ZNF385D: variants seen among roughly 807,000 people sequenced by gnomAD.
ZNF385D encodes zinc finger protein 659.
In ZNF385D, 15 loss-of-function variants were observed where a neutral mutation model predicts 35.8. The observed-to-expected ratio is 0.42, with a 90% CI of 0.28 to 0.64. The LOEUF (loss-of-function observed/expected upper bound fraction) is 0.64, where lower values mean the gene tolerates loss of function less well. Among genes scored for constraint, ZNF385D ranks in the 30% least tolerant of loss-of-function variants. ZNF385D has a pLI of 0.23. For missense variants in ZNF385D, 474 were observed against 494.6 expected, an observed-to-expected ratio of 0.96 and a Z score of 0.39; for synonymous variants, 212 against 186.8, an observed-to-expected ratio of 1.13 and a Z score of -1.10.
intron 3 of ZNF385D, among the ~76,000 whole-genome samples, chr3:22,018,835 C>T (rs534865839): frequency 1.3e-5 from 2 of 151,888 alleles, no homozygotes; most frequent in South Asian, 4.1e-4. Context: ...AGCTATTTCA[C>T]AGAAATGGGT....
chr3:21,590,653 G>C (rs964666992), intron 2 of ZNF385D, among the ~76,000 whole-genome samples: 2 of 152,112 alleles, frequency 1.3e-5, no homozygotes, highest in Non-Finnish European at 2.9e-5. Flanking sequence ...AGTGGAGGCA[G>C]TGAGTGTTCT....
At chr3:21,966,836 C>A (rs1031819307) in intron 3 of ZNF385D, among the ~76,000 whole-genome samples, 2 of 152,190 alleles carry the variant, frequency 1.3e-5, no homozygotes, top group African/African-American at 4.8e-5. Flanking sequence ...CCAACCTTGG[C>A]CTCCGAGGCC....
chr3:21,969,405 G>A (rs146493184), intron 3 of ZNF385D, among the ~76,000 whole-genome samples: 175 of 152,156 alleles, frequency 1.2e-3, no homozygotes, highest in Non-Finnish European at 1.7e-3. Flanking sequence ...CTCTTTGCTC[G>A]GCACTTTTCC....
At chr3:21,801,827 G>C (rs1361664174) in intron 3 of ZNF385D, among the ~76,000 whole-genome samples, 2 of 152,086 alleles carry the variant, frequency 1.3e-5, no homozygotes, top group African/African-American at 4.8e-5. Flanking sequence ...TTGGGTTTCA[G>C]GATGCTCAGT....
At chr3:22,268,037 C>T (rs1454802619) in intron 2 of ZNF385D, among the ~76,000 whole-genome samples, 4 of 151,902 alleles carry the variant, frequency 2.6e-5, no homozygotes, top group African/African-American at 9.7e-5. Flanking sequence ...AGTAAGTATG[C>T]ACTACAAGAG....
chr3:21,642,336 C>A (rs754625215), intron 2 of ZNF385D, among the ~76,000 whole-genome samples: 8 of 152,024 alleles, frequency 5.3e-5, no homozygotes, highest in Non-Finnish European at 1.0e-4. Flanking sequence ...TCCCTCTTAA[C>A]CTCACTCTTT....
chr3:22,075,110 T>C (rs956679297), intron 3 of ZNF385D, among the ~76,000 whole-genome samples: 1 of 151,964 alleles, frequency 6.6e-6, no homozygotes, highest in Non-Finnish European at 1.5e-5. Flanking sequence ...TTAGCTGGTA[T>C]GGGATTGGCC....
At chr3:21,435,791 A>G (rs1701522910) in intron 5 of ZNF385D, among the ~76,000 whole-genome samples, 1 of 152,182 alleles carries the variant, frequency 6.6e-6, no homozygotes, top group African/African-American at 2.4e-5. Flanking sequence ...TATAGATTCT[A>G]CCTTAAGGCC....
intron 2 of ZNF385D, among the ~76,000 whole-genome samples, chr3:21,629,209 G>A (rs1460713868): frequency 6.6e-6 from 1 of 152,060 alleles, no homozygotes; most frequent in South Asian, 2.1e-4. Context: ...AAAAGTTGTG[G>A]TGGGTCAAAA....
At chr3:21,751,615 G>A (rs1470698127), upstream of ZNF385D, among the ~76,000 whole-genome samples, 1 of 152,040 alleles carries the variant, frequency 6.6e-6, no homozygotes, top group South Asian at 2.1e-4. Flanking sequence ...TGGGCTTGAG[G>A]GTTTGTTGTT....
chr3:21,978,053 T>A (rs564155761), intron 3 of ZNF385D, among the ~76,000 whole-genome samples: 2 of 152,322 alleles, frequency 1.3e-5, no homozygotes, highest in African/African-American at 4.8e-5. Flanking sequence ...AATTCATAAA[T>A]AAACAATATA....
At chr3:21,606,028 C>G (rs1249037556) in intron 2 of ZNF385D, among the ~76,000 whole-genome samples, 1 of 152,178 alleles carries the variant, frequency 6.6e-6, no homozygotes, top group Non-Finnish European at 1.5e-5. Context: ...TCCTCTTTTA[C>G]CTAGGGGACT....
At chr3:22,163,538 G>C (rs1553620422) in intron 3 of ZNF385D, among the ~76,000 whole-genome samples, 1 of 151,878 alleles carries the variant, frequency 6.6e-6, no homozygotes, top group African/African-American at 2.4e-5. Context: ...GCTTATTCAA[G>C]TTTTTTTTGT....
At chr3:22,225,608 C>T (rs1217343127) in intron 2 of ZNF385D, among the ~76,000 whole-genome samples, 1 of 152,104 alleles carries the variant, frequency 6.6e-6, no homozygotes, top group Non-Finnish European at 1.5e-5. Context: ...CAACAATTGC[C>T]CACTGTGGTA....
At chr3:22,228,136 CAG>C (rs1343870905) in intron 2 of ZNF385D, among the ~76,000 whole-genome samples, 1 of 152,150 alleles carries the variant, frequency 6.6e-6, no homozygotes, top group African/African-American at 2.4e-5. Context: ...ACTCAGCAAT[CAG>C]AGGAGATGGC....
chr3:21,999,327 A>AT lies in ZNF385D; in HGVS notation c.325+169489dup, dbSNP rs901636419. Among the ~76,000 whole-genome samples, 49 of 147,776 alleles carry AT rather than the reference A, an allele frequency of 3.3e-4. 1 individual carries two copies. Among genetic ancestry groups the AT allele is most frequent in the East Asian group, 2.2e-3 (11 of 5,102 alleles). ...AAAGGATACTTGAGACAAAACAAAA[A>AT]TTTTTTTTTTTTGCCTGTCACATCT... On this transcript the variant is annotated intron_variant, in intron 3 of 5. Coordinates refer to the ZNF385D transcript ENST00000494108.
chr3:21,467,404 C>CT (rs1703587385), intron 4 of ZNF385D, among the ~76,000 whole-genome samples: 1 of 152,274 alleles, frequency 6.6e-6, no homozygotes. Flanking sequence ...GACTGTTTCT[C>CT]TAAGACATTA....
intron 1 of ZNF385D, among the ~76,000 whole-genome samples, chr3:21,728,279 TATAATAATAATA>T (rs111369677): frequency 4.1e-4 from 59 of 144,866 alleles, no homozygotes; most frequent in Non-Finnish European, 7.4e-4. Flanking sequence ...GAACTTAAAG[TATAATAATAATA>T]ATAATAATAA....
In ZNF385D at chr3:22,187,975, TTAAG is replaced by T. The variant is rs558970984; in HGVS notation, c.107-18944_107-18941del. Among the ~76,000 whole-genome samples the T allele has an allele frequency of 1.4e-3, 206 of 152,270 alleles. 1 individual carries two copies. Among genetic ancestry groups the T allele is most frequent in the African/African-American group, 4.4e-3 (183 of 41,554 alleles). ...ATGGCAAAGGGGATGTTGCATGTCA[TTAAG>T]TAAGTGGGTCTAGAAATCGTGCACC... On this transcript the variant is annotated intron_variant, in intron 2 of 5. Transcript: ENST00000494108.
Sources: gnomAD v4.1 joint callset for allele counts (sites outside exome capture counted in the v4.1 genomes callset) on GRCh38, gnomAD v4.1.1 for gene constraint, MANE v1.5 for transcripts, NCBI Gene and HGNC (gene_info 2026-07-23, HGNC 2026-07-21) for gene names.